Variants in TRANK1 observed in about 807,000 individuals in gnomAD.
TRANK1 encodes the protein tetratricopeptide repeat and ankyrin repeat containing 1, also known as TPR and ankyrin repeat-containing protein 1.
TRANK1 carries 198 observed loss-of-function variants against 266.0 expected under a neutral mutation model. That is an observed-to-expected ratio of 0.74 (90% CI 0.66 to 0.84). The LOEUF (loss-of-function observed/expected upper bound fraction) is 0.84. Ranked by LOEUF, TRANK1 falls within the 40% of genes least tolerant of loss-of-function variation. TRANK1 has a pLI of 0.00. For missense variants in TRANK1, 3,326 were observed against 3,634.6 expected, an observed-to-expected ratio of 0.92 and a Z score of 2.18; for synonymous variants, 1,396 against 1,384.1, an observed-to-expected ratio of 1.01 and a Z score of -0.19.
intron 1 of TRANK1, among the ~76,000 whole-genome samples, chr3:36,939,270 C>CACACAG (rs1409865096): frequency 4.6e-5 from 7 of 151,198 alleles, no homozygotes; most frequent in African/African-American, 1.5e-4. Context: ...TACACACACA[C>CACACAG]ACACACACAC....
intron 2 of TRANK1, 61 bp downstream of exon 2, chr3:36,908,262 A>T (rs2080002271): frequency 8.1e-7 from 1 of 1,231,032 alleles, no homozygotes; most frequent in Non-Finnish European, 1.0e-6. Flanking sequence ...AAAAGAAATC[A>T]TAAGGAACAG....
chr3:36,899,255 T>C lies in TRANK1; in HGVS notation c.287A>G (p.Tyr96Cys). Residue 96 changes from tyrosine (Y) to cysteine (C), a missense_variant, in exon 4 of 24, where the codon TAC becomes TGC. Tyr to Cys is a radical substitution (Grantham distance 194). Transcript: ENST00000645898. Reference sequence around the variant, plus strand: ...CAGCAAGGAATAACCAGCTCGGTAGTATCCCTGGAACAGGATAAAAAGCAA... The same window carrying C: ...CAGCAAGGAATAACCAGCTCGGTAGCATCCCTGGAACAGGATAAAAAGCAA... ...LQWDPTYVKG[Y>C]YRAGYSLLRL... 2 of 1,537,166 alleles carry C rather than the reference T, an allele frequency of 1.3e-6. No homozygotes were observed. The highest frequency in any genetic ancestry group is 1.7e-6 in the Non-Finnish European group (2 of 1,146,870).
intron 3 of TRANK1, among the ~76,000 whole-genome samples, chr3:36,902,909 TCTC>T (rs1243857449): frequency 6.6e-6 from 1 of 152,202 alleles, no homozygotes; most frequent in Non-Finnish European, 1.5e-5. Context: ...TTTTTACTCT[TCTC>T]CAGATAATGA....
chr3:36,858,243 T>G (rs1316984166), intron 12 of TRANK1, among the ~76,000 whole-genome samples, 194 bp from the exon 13 acceptor site: 3 of 152,138 alleles, frequency 2.0e-5, no homozygotes, highest in African/African-American at 7.2e-5. Flanking sequence ...TTTGGCAATG[T>G]ATAGAGACAT....
intron 1 of TRANK1, among the ~76,000 whole-genome samples, chr3:36,944,481 G>T (rs960097761): frequency 6.6e-6 from 1 of 152,238 alleles, no homozygotes; most frequent in African/African-American, 2.4e-5. Flanking sequence ...GCGGAGGTGG[G>T]CCCGAGAGCT....
chr3:36,879,660 AT>A (rs1204171286), intron 8 of TRANK1, among the ~76,000 whole-genome samples: 4 of 118,874 alleles, frequency 3.4e-5, no homozygotes, highest in African/African-American at 1.4e-4. Context: ...ATATAAATAT[AT>A]AAATATATAT....
At chr3:36,929,078 C>A (rs1435823330) in intron 1 of TRANK1, among the ~76,000 whole-genome samples, 1 of 150,564 alleles carries the variant, frequency 6.6e-6, no homozygotes, top group Non-Finnish European at 1.5e-5. Flanking sequence ...TCAAATAAAA[C>A]AAATAAATAA....
In TRANK1 at chr3:36,832,704, G is replaced by A; in HGVS notation, c.6879C>T (p.Leu2293=). 6.2e-7 allele frequency: 1 copy of A among 1,614,040 alleles called. No individual in the cohort carries two copies. Among genetic ancestry groups the A allele is most frequent in the Non-Finnish European group, 8.5e-7 (1 of 1,179,898 alleles). ...ACCGGAAGGATTTGTAATTTGGTTT[G>A]AGGATTTCTTTGCATGCCATGGGGT... is the stretch of plus-strand genomic sequence containing the variant. ...SENPMACKEI[L]KPNYKSFRFY... The change falls in exon 22 of 24, where the codon CTC becomes CTT. Residue 2293 remains leucine (L), a synonymous_variant. Coordinates refer to ENST00000645898, the MANE Select transcript of TRANK1 (RefSeq NM_001329998.2).
intron 15 of TRANK1, among the ~76,000 whole-genome samples, chr3:36,848,304 C>T (rs1040041069): frequency 6.6e-6 from 1 of 151,982 alleles, no homozygotes; most frequent in Non-Finnish European, 1.5e-5. Context: ...TGTGAAAATC[C>T]TTCTTGGCCC....
At chr3:36,909,485 T>C (rs2080021561) in intron 1 of TRANK1, among the ~76,000 whole-genome samples, 2 of 152,148 alleles carry the variant, frequency 1.3e-5, no homozygotes, top group Admixed American at 6.5e-5. Context: ...GGTCCTTTAG[T>C]ATTGCTTCCT....
rs557093069 is a variant in TRANK1, at chr3:36,944,986, C to G, written c.-177G>C. ...GCTGCCTGCGGCTCGGCTACCCAGC[C>G]GCGATCAGAGGGGGCGGGGGACGCA... On this transcript the variant is annotated 5_prime_UTR_variant, in exon 1 of 24. Coordinates refer to ENST00000645898, the MANE Select transcript of TRANK1 (RefSeq NM_001329998.2). The G allele has an allele frequency of 3.5e-4, 187 of 539,892 alleles. No homozygotes were observed. Among genetic ancestry groups the G allele is most frequent in the Middle Eastern group, 5.0e-4 (1 of 1,992 alleles). 33.4% of individuals were successfully genotyped at this position (539,892 alleles called of 1,614,324 possible).
At chr3:36,875,827 A>G (rs2079380504) in intron 8 of TRANK1, among the ~76,000 whole-genome samples, 1 of 152,218 alleles carries the variant, frequency 6.6e-6, no homozygotes, top group South Asian at 2.1e-4. Context: ...TGTTGTTTTG[A>G]TAAGCTCCAT....
At chr3:36,886,347 G>A (rs1335340381) in intron 8 of TRANK1, among the ~76,000 whole-genome samples, 1 of 151,726 alleles carries the variant, frequency 6.6e-6, no homozygotes, top group Non-Finnish European at 1.5e-5. Context: ...GGTCTCAAGT[G>A]ATCCACCCAC....
chr3:36,830,912 T>C lies in TRANK1; in HGVS notation c.8671A>G (p.Met2891Val), dbSNP rs370803836. ...TTCCGCCTGTAGAGGTCCTCCACCA[T>C]ATCCGAAACCCTCTTGATGTGCTCC... ...VQEHIKRVSD[M>V]VEDLYRRKAW... Residue 2891 changes from methionine to valine, a missense_variant, in exon 22 of 24, where the codon ATG (methionine) becomes GTG (valine). Transcript: ENST00000645898. The C allele has an allele frequency of 3.1e-6, 5 of 1,613,066 alleles. No individual in the cohort carries two copies. The African/African-American group carries it at 5.3e-5, about 17-fold the overall frequency.
chr3:36,922,912 C>T lies in TRANK1; in HGVS notation c.24-14458G>A, dbSNP rs116392712. Among the ~76,000 whole-genome samples the T allele has an allele frequency of 3.1e-3, 478 of 152,232 alleles. 2 individuals are homozygous for T. Among genetic ancestry groups the T allele is most frequent in the African/African-American group, 8.9e-3 (370 of 41,526 alleles). The stretch of plus-strand genomic sequence containing the variant: ...AGTCCTAATTAGGAACAGGAAGTCA[C>T]GCTGGCAGGGCCGAGGGAAAGCAAC... On this transcript the variant is annotated intron_variant, in intron 1 of 23. Transcript: ENST00000645898.
chr3:36,852,615 TCA>T (rs2078999169), intron 13 of TRANK1, among the ~76,000 whole-genome samples: 1 of 151,500 alleles, frequency 6.6e-6, no homozygotes, highest in Non-Finnish European at 1.5e-5. Context: ...GAAAATTACC[TCA>T]CAAAGAAGAG....
intron 19 of TRANK1, 34 bp downstream of exon 19, chr3:36,838,579 C>T (rs376274962): frequency 7.4e-6 from 12 of 1,613,778 alleles, no homozygotes; most frequent in African/African-American, 5.3e-5. Context: ...CTACTCCCAT[C>T]GGAGCAAACC....
rs766976166 is a variant in TRANK1 at position 36,831,915 on chromosome 3, C to T, written c.7668G>A (p.Ser2556=). The change falls in exon 22 of 24, where the codon TCG becomes TCA. Residue 2556 remains serine, a synonymous_variant. Transcript: ENST00000645898. This position sits in a 1 kb window ranked among gnomAD's most constrained non-coding sequence, Gnocchi z 5.0. The part of the protein sequence containing the change: ...DAFSEIDYVV[S]GEAERTLVLC... ...GCACCAGTGTCCGCTCAGCCTCACC[C>T]GAGACCACATAGTCTATTTCACTGA... is the stretch of plus-strand genomic sequence containing the variant. 1.5e-5 allele frequency: 25 copies of T among 1,613,910 alleles called. No homozygotes were observed. The highest frequency in any genetic ancestry group is 1.9e-5 in the Non-Finnish European group (23 of 1,179,904).
intron 18 of TRANK1, 70 bp downstream of exon 18, chr3:36,842,552 A>T: frequency 7.4e-7 from 1 of 1,359,306 alleles, no homozygotes; most frequent in Admixed American, 1.8e-5. Flanking sequence ...AAACACCATG[A>T]TGTGAAACCT....
Sources: gnomAD v4.1 joint callset for allele counts (sites outside exome capture counted in the v4.1 genomes callset) on GRCh38, gnomAD v4.1.1 for gene constraint, Gnocchi (gnomAD v3.1) non-coding constraint, MANE v1.5 for transcripts, NCBI Gene and HGNC (gene_info 2026-07-23, HGNC 2026-07-21) for gene names.